The following PI15 variants were observed in gnomAD, a reference collection of about 807,000 sequenced individuals.
PI15 encodes the protein 25 kDa trypsin inhibitor.
Under a neutral mutation model 31.0 loss-of-function variants are expected in PI15, and 18 were observed. The ratio of observed to expected loss-of-function variants is 0.58; its 90% CI spans 0.40 to 0.86. The LOEUF is 0.86. Among genes scored for constraint, PI15 ranks in the 40% least tolerant of loss-of-function variants. PI15 has a pLI of 0.00. For synonymous variants in PI15, 118 were observed against 119.1 expected (o/e 0.99, Z 0.06); for missense variants, 282 against 328.1 (o/e 0.86, Z 1.09).
intron 2 of PI15, among the ~76,000 whole-genome samples, chr8:74,829,967 C>G (rs1810757087): frequency 6.6e-6 from 1 of 152,012 alleles, no homozygotes; most frequent in African/African-American, 2.4e-5. Flanking sequence ...ATTCCTTACT[C>G]CAAAGGCAAT....
At chr8:74,831,675 G>C (rs1810783340) in intron 2 of PI15, among the ~76,000 whole-genome samples, 1 of 152,160 alleles carries the variant, frequency 6.6e-6, no homozygotes, top group African/African-American at 2.4e-5. Flanking sequence ...TAGATACAGG[G>C]TTCTTTGGAA....
At chr8:74,828,610 AAG>A (rs1810733307) in intron 2 of PI15, among the ~76,000 whole-genome samples, 1 of 152,070 alleles carries the variant, frequency 6.6e-6, no homozygotes, top group Non-Finnish European at 1.5e-5. Context: ...GAGCATGTGA[AAG>A]ATAGTAGAAT....
Position 74,845,253 on chromosome 8 carries a change from A to T in PI15, c.518A>T (p.Tyr173Phe). ...TGTTTTGGTCCCATGTGCACACATT[A>T]TACGCAGGTTATTTCAATTACCTTG... ...MRCFGPMCTH[Y>F]TQMVWATSNR... The change falls in exon 4 of 6, where the codon TAT (tyrosine) becomes TTT (phenylalanine). Residue 173 changes from tyrosine (Y) to phenylalanine (F), a missense_variant. Physicochemically the swap from Tyr to Phe is conservative, Grantham distance 22. Transcript: ENST00000260113. The T allele has an allele frequency of 6.8e-6, 11 of 1,613,582 alleles. No homozygotes were observed. Among genetic ancestry groups the T allele is most frequent in the Non-Finnish European group, 9.3e-6 (11 of 1,179,460 alleles).
rs547623293 is a variant in PI15, at chr8:74,845,498, G to T, written c.641+1G>T. 1.9e-6 allele frequency: 3 copies of T among 1,564,064 alleles called. No individual in the cohort carries two copies. The highest frequency in any genetic ancestry group is 1.4e-5 in the African/African-American group (1 of 74,012). Reference sequence around the variant, plus strand: ...ACTTGGTATGCAACTATGCCCCAAAGTAAGTACCAGGTTGGATTCTATTTC... The same window carrying T: ...ACTTGGTATGCAACTATGCCCCAAATTAAGTACCAGGTTGGATTCTATTTC... On this transcript the variant is annotated splice_donor_variant, in intron 5 of 5. Coordinates refer to ENST00000260113, the MANE Select transcript of PI15 (RefSeq NM_015886.5). LOFTEE classifies it high-confidence loss of function.
chr8:74,825,157 C>T, intron 1 of PI15, 53 bp from the exon 2 acceptor site: 6 of 985,102 alleles, frequency 6.1e-6, no homozygotes, highest in South Asian at 3.1e-5. Flanking sequence ...AAATTCATAC[C>T]CTCTGGCCCT....
chr8:74,830,932 G>T (rs925565472), intron 2 of PI15, among the ~76,000 whole-genome samples: 1 of 152,180 alleles, frequency 6.6e-6, no homozygotes, highest in African/African-American at 2.4e-5. Flanking sequence ...AGCACATTCA[G>T]AACTCTACAT....
In PI15 at chr8:74,849,647, A is replaced by G. The variant is rs2128766704; in HGVS notation, c.*394A>G. The G allele has an allele frequency of 6.5e-6, 1 of 154,480 alleles. No individual in the cohort carries two copies. The highest frequency in any genetic ancestry group is 1.9e-4 in the East Asian group (1 of 5,254). The allele number at this position is 154,480 out of a possible 1,614,324, so 9.6% of individuals were successfully genotyped here. On this transcript the variant is annotated 3_prime_UTR_variant, in exon 6 of 6. Coordinates refer to ENST00000260113, the MANE Select transcript of PI15 (RefSeq NM_015886.5). ...TGGATTTATATATGCACACAAACAT[A>G]TAATATGTGATGTAACATGTAGATG...
chr8:74,848,732 T>TATATATAGAGAG (rs1191072583), intron 5 of PI15, among the ~76,000 whole-genome samples: 15 of 136,352 alleles, frequency 1.1e-4, no homozygotes, highest in African/African-American at 3.6e-4. Context: ...TATATATATA[T>TATATATAGAGAG]AGAGAGAGAG....
rs1811156230 is a variant in PI15, at chr8:74,854,726, G to C, written c.*5473G>C. The C allele has an allele frequency of 6.6e-6, 1 of 152,066 alleles. No individual in the cohort carries two copies. The highest frequency in any genetic ancestry group is 2.1e-4 in the South Asian group (1 of 4,828). The allele number at this position is 152,066 out of a possible 1,614,324, so 9.4% of individuals were successfully genotyped here. A position where few individuals can be genotyped will look rare whatever the true frequency, so the allele number is the denominator to read the frequency against. On this transcript the variant is annotated 3_prime_UTR_variant, in exon 6 of 6. Coordinates refer to ENST00000260113, the MANE Select transcript of PI15 (RefSeq NM_015886.5). ...TGGTGCCATAATATTTTGAGAATTA[G>C]AGAAGATTGTGATGCATATATATAA...
At chr8:74,844,914 G>A (rs113968618) in intron 3 of PI15, 1 of 538,280 alleles carries the variant, frequency 1.9e-6, no homozygotes. Context: ...GACAAATACA[G>A]AATCACTTAC....
At chr8:74,841,986 G>A (rs545326616) in intron 2 of PI15, among the ~76,000 whole-genome samples, 14 of 151,906 alleles carry the variant, frequency 9.2e-5, no homozygotes, top group African/African-American at 3.4e-4. Flanking sequence ...GGCCTCCTGA[G>A]GTAAGAGGGT....
intron 2 of PI15, among the ~76,000 whole-genome samples, chr8:74,834,945 TA>T (rs2128764363): frequency 6.6e-6 from 1 of 152,340 alleles, no homozygotes; most frequent in South Asian, 2.1e-4. Flanking sequence ...ATGTGTGTTG[TA>T]AATGCAGACG....
At chr8:74,848,676 A>G (rs1423041752) in intron 5 of PI15, among the ~76,000 whole-genome samples, 3 of 148,350 alleles carry the variant, frequency 2.0e-5, no homozygotes, top group Non-Finnish European at 4.5e-5. Flanking sequence ...TAGCATCAAC[A>G]ATACTAAGAA....
At chr8:74,849,060 C>A in intron 5 of PI15, 58 bp from the exon 6 acceptor site, 5 of 1,512,334 alleles carry the variant, frequency 3.3e-6, no homozygotes, top group Non-Finnish European at 4.5e-6. Flanking sequence ...TAAGGACAAT[C>A]TACTTTTAAA....
intron 2 of PI15, among the ~76,000 whole-genome samples, chr8:74,830,805 A>G (rs1461476876): frequency 6.6e-6 from 1 of 152,072 alleles, no homozygotes; most frequent in Non-Finnish European, 1.5e-5. Flanking sequence ...GAGAATTTTA[A>G]TGTGTATAAT....
chr8:74,827,719 TAC>T (rs1247531663), intron 2 of PI15, among the ~76,000 whole-genome samples: 1 of 152,214 alleles, frequency 6.6e-6, no homozygotes, highest in Non-Finnish European at 1.5e-5. Flanking sequence ...CCTGAAGATG[TAC>T]AGTTATCTTT....
chr8:74,841,095 TA>T (rs2128765351), intron 2 of PI15, among the ~76,000 whole-genome samples: 1 of 152,280 alleles, frequency 6.6e-6, no homozygotes, highest in South Asian at 2.1e-4. Context: ...TTAAAGTTGT[TA>T]AATGCCTTAA....
intron 2 of PI15, among the ~76,000 whole-genome samples, chr8:74,835,187 C>A (rs1810845113): frequency 6.6e-6 from 1 of 152,004 alleles, no homozygotes; most frequent in Admixed American, 6.6e-5. Flanking sequence ...TCAAATCTTA[C>A]TTTAGAATTT....
chr8:74,844,427 C>CTGTGTGTG (rs57644375), intron 3 of PI15, among the ~76,000 whole-genome samples: 302 of 141,784 alleles, frequency 2.1e-3, no homozygotes, highest in Middle Eastern at 7.1e-3. Flanking sequence ...TGTGCAGAGG[C>CTGTGTGTG]TGTGTGTGTG....
Sources: gnomAD v4.1 joint callset for allele counts (sites outside exome capture counted in the v4.1 genomes callset) on GRCh38, gnomAD v4.1.1 for gene constraint, MANE v1.5 for transcripts, NCBI Gene and HGNC (gene_info 2026-07-23, HGNC 2026-07-21) for gene names.